Variants in ASIC2 observed in about 807,000 individuals in gnomAD.
The protein encoded by ASIC2 is acid-sensing ion channel 2.
In ASIC2, 25 loss-of-function variants were observed where a neutral mutation model predicts 57.3. That is an observed-to-expected ratio of 0.44 (90% CI 0.32 to 0.61). The LOEUF is 0.61. Ranked by LOEUF, ASIC2 falls within the 20% of genes least tolerant of loss-of-function variation. ASIC2 has a pLI of 0.06. For synonymous variants in ASIC2, 319 were observed against 307.5 expected, an observed-to-expected ratio of 1.04 and a Z score of -0.39; for missense variants, 641 against 738.1, an observed-to-expected ratio of 0.87 and a Z score of 1.52.
chr17:33,870,526 G>A (rs901192132), intron 1 of ASIC2, among the ~76,000 whole-genome samples: 16 of 152,026 alleles, frequency 1.1e-4, no homozygotes, highest in African/African-American at 3.1e-4. Context: ...GTGAGGGTAC[G>A]GGAGGAAGAA....
intron 1 of ASIC2, among the ~76,000 whole-genome samples, chr17:33,394,333 A>G (rs531960021): frequency 2.0e-5 from 3 of 152,342 alleles, no homozygotes; most frequent in African/African-American, 7.2e-5. Context: ...GAAGGGGTAG[A>G]GCATCAGCTC....
chr17:33,824,735 G>C (rs556987742), intron 1 of ASIC2, among the ~76,000 whole-genome samples: 4 of 149,346 alleles, frequency 2.7e-5, no homozygotes, highest in African/African-American at 7.5e-5. Context: ...AAGATCTGAT[G>C]GTTTTATAAA....
intron 1 of ASIC2, among the ~76,000 whole-genome samples, chr17:33,263,132 A>G (rs1193021368): frequency 6.6e-6 from 1 of 152,210 alleles, no homozygotes; most frequent in Non-Finnish European, 1.5e-5. Flanking sequence ...TTCCGGCCCT[A>G]GCTGAGAGCT....
intron 1 of ASIC2, among the ~76,000 whole-genome samples, chr17:33,357,253 G>A (rs1305803656): frequency 1.3e-5 from 2 of 152,094 alleles, no homozygotes; most frequent in African/African-American, 4.8e-5. Context: ...CATATGCACA[G>A]GGGGTACAGT....
chr17:33,607,970 A>G (rs1196278529), intron 1 of ASIC2, among the ~76,000 whole-genome samples: 1 of 152,136 alleles, frequency 6.6e-6, no homozygotes, highest in Non-Finnish European at 1.5e-5. Flanking sequence ...CCTTCAACCT[A>G]AAGGATCCTA....
At chr17:33,486,906 G>C (rs1913592668) in intron 1 of ASIC2, among the ~76,000 whole-genome samples, 1 of 152,202 alleles carries the variant, frequency 6.6e-6, no homozygotes, top group South Asian at 2.1e-4. Context: ...TTCTCTCTGA[G>C]GGCAGGTGTC....
At chr17:33,833,618 G>T (rs1913183565) in intron 1 of ASIC2, among the ~76,000 whole-genome samples, 1 of 152,024 alleles carries the variant, frequency 6.6e-6, no homozygotes, top group South Asian at 2.1e-4. Context: ...CAAATGTCAC[G>T]GTAATGGTCT....
intron 1 of ASIC2, among the ~76,000 whole-genome samples, chr17:33,864,586 T>C (rs371522328): frequency 2.0e-5 from 3 of 152,310 alleles, no homozygotes; most frequent in Non-Finnish European, 1.5e-5. Flanking sequence ...GTTCTTTTAA[T>C]GGTAAAGGGG....
chr17:34,103,162 AG>A, intron 1 of ASIC2, among the ~76,000 whole-genome samples: 1 of 152,070 alleles, frequency 6.6e-6, no homozygotes, highest in South Asian at 2.1e-4. Context: ...GGGGAGTGGG[AG>A]GGGGGACAGT....
intron 1 of ASIC2, among the ~76,000 whole-genome samples, chr17:33,166,220 T>C (rs886812535): frequency 2.0e-5 from 3 of 152,222 alleles, no homozygotes; most frequent in Admixed American, 6.5e-5. Context: ...TGAGAATTCC[T>C]TCCTCACTGG....
At chr17:34,043,463 G>C (rs1413973912) in intron 1 of ASIC2, among the ~76,000 whole-genome samples, 1 of 152,100 alleles carries the variant, frequency 6.6e-6, no homozygotes, top group Middle Eastern at 3.2e-3. Flanking sequence ...TAGATGCCTA[G>C]GCACTTTTGG....
At chr17:33,789,541 T>C (rs1365080113) in intron 1 of ASIC2, among the ~76,000 whole-genome samples, 1 of 151,816 alleles carries the variant, frequency 6.6e-6, no homozygotes, top group Non-Finnish European at 1.5e-5. Flanking sequence ...CCCTAACTTG[T>C]ATGGGCTCCC....
At chr17:34,055,564 ACCC>A (rs1218601709) in intron 1 of ASIC2, among the ~76,000 whole-genome samples, 126 of 152,092 alleles carry the variant, frequency 8.3e-4, no homozygotes, top group Non-Finnish European at 2.2e-4. Context: ...CTACCAATTA[ACCC>A]CCAAGAAACA....
chr17:33,138,402 C>G (rs2092374158), intron 1 of ASIC2, among the ~76,000 whole-genome samples: 1 of 152,114 alleles, frequency 6.6e-6, no homozygotes, highest in Non-Finnish European at 1.5e-5. Flanking sequence ...AAATTGAGGA[C>G]TAGAGAGGTG....
At chr17:34,069,324 TCTC>T (rs1909302024) in intron 1 of ASIC2, 1 of 86,620 alleles carries the variant, frequency 1.2e-5, no homozygotes, top group Non-Finnish European at 3.0e-5. Context: ...CTTCCTTTCC[TCTC>T]TTTCTTTTTC....
intron 1 of ASIC2, among the ~76,000 whole-genome samples, chr17:33,682,062 T>G (rs1908018604): frequency 7.0e-6 from 1 of 143,702 alleles, no homozygotes; most frequent in Non-Finnish European, 1.5e-5. Flanking sequence ...AGTGACATCT[T>G]TTTTTTTTTT....
At chr17:33,299,539 G>GTTT (rs5820029) in intron 1 of ASIC2, among the ~76,000 whole-genome samples, 28 of 150,758 alleles carry the variant, frequency 1.9e-4, no homozygotes, top group African/African-American at 6.3e-4. Context: ...CCCTCACTCT[G>GTTT]TTTTTTTTTG....
chr17:33,547,627 G>A (rs1283698473), intron 1 of ASIC2, among the ~76,000 whole-genome samples: 2 of 152,128 alleles, frequency 1.3e-5, no homozygotes, highest in African/African-American at 4.8e-5. Context: ...GAAGCCTAGA[G>A]TGACCTCCAA....
intron 1 of ASIC2, among the ~76,000 whole-genome samples, chr17:33,269,762 C>A (rs1904409000): frequency 6.8e-6 from 1 of 148,002 alleles, no homozygotes; most frequent in Non-Finnish European, 1.5e-5. Context: ...TTCCTTCCTT[C>A]CTTCCTTCCT....
Sources: gnomAD v4.1 joint callset for allele counts (sites outside exome capture counted in the v4.1 genomes callset) on GRCh38, gnomAD v4.1.1 for gene constraint, MANE v1.5 for transcripts, NCBI Gene and HGNC (gene_info 2026-07-23, HGNC 2026-07-21) for gene names.